Variants in SBF2 observed in about 807,000 individuals in gnomAD.
SBF2 encodes myotubularin-related protein 13.
A neutral mutation model predicts 225.2 loss-of-function variants in SBF2; 112 were observed. That is an observed-to-expected ratio of 0.50 (90% CI 0.43 to 0.58). SBF2 has a LOEUF of 0.58. SBF2 is among the 20% of genes least tolerant of loss of function. The pLI is 0.00. For synonymous variants in SBF2, 763 were observed against 773.3 expected (o/e 0.99, Z 0.22); for missense variants, 1,996 against 2,206.2 (o/e 0.90, Z 1.91).
intron 1 of SBF2, among the ~76,000 whole-genome samples, chr11:10,204,514 C>T (rs182097131): frequency 6.6e-6 from 1 of 151,928 alleles, no homozygotes; most frequent in Non-Finnish European, 1.5e-5. Flanking sequence ...TGGCAGGCTC[C>T]TGTAGTCCCA....
chr11:9,784,310 G>T, intron 38 of SBF2, 41 bp downstream of exon 38: 1 of 1,435,922 alleles, frequency 7.0e-7, no homozygotes, highest in Non-Finnish European at 9.8e-7. Context: ...ACTGGGACTA[G>T]CCTAGACAGA....
intron 21 of SBF2, among the ~76,000 whole-genome samples, chr11:9,852,181 A>G (rs552690271): frequency 1.1e-3 from 165 of 152,338 alleles, no homozygotes; most frequent in Middle Eastern, 3.4e-3. Context: ...GAGCCTTGTT[A>G]AAATACAGAT....
chr11:9,970,059 A>G (rs533560822), intron 13 of SBF2, among the ~76,000 whole-genome samples: 116 of 152,324 alleles, frequency 7.6e-4, no homozygotes, highest in African/African-American at 2.6e-3. Flanking sequence ...AATGGAATCC[A>G]TTCTTTCATA....
chr11:9,832,119 A>G, intron 27 of SBF2, 105 bp downstream of exon 27: 1 of 977,220 alleles, frequency 1.0e-6, no homozygotes, highest in Non-Finnish European at 1.6e-6. Flanking sequence ...TTTGTGTGTG[A>G]GACAAGACTT....
chr11:10,267,118 A>G (rs1962074137), intron 1 of SBF2, among the ~76,000 whole-genome samples: 1 of 152,136 alleles, frequency 6.6e-6, no homozygotes, highest in Admixed American at 6.6e-5. Context: ...AAATTAAATT[A>G]CATTAAATTA....
chr11:9,882,795 C>CAAAAAAAAAAAAAAAAAAAAAA (rs56699466), intron 17 of SBF2, among the ~76,000 whole-genome samples: 3 of 90,058 alleles, frequency 3.3e-5, no homozygotes, highest in Non-Finnish European at 2.4e-5. Flanking sequence ...GTGACAGAGT[C>CAAAAAAAAAAAAAAAAAAAAAA]AAAAAAAAAA....
At chr11:10,020,348 C>T (rs1053750370) in intron 6 of SBF2, among the ~76,000 whole-genome samples, 4 of 152,062 alleles carry the variant, frequency 2.6e-5, no homozygotes, top group Non-Finnish European at 5.9e-5. Context: ...ACACACTGCA[C>T]GTGAAGCCCC....
chr11:10,012,884 G>A (rs1017858284), intron 6 of SBF2, among the ~76,000 whole-genome samples: 2 of 151,708 alleles, frequency 1.3e-5, no homozygotes, highest in African/African-American at 4.8e-5. Context: ...TATTTTTATG[G>A]TTTAGCTTGG....
Position 9,912,613 on chromosome 11 carries a change from T to G in SBF2, c.1861-16602A>C, listed in dbSNP as rs7130681. Among the ~76,000 whole-genome samples the G allele has an allele frequency of 2.0e-5, 3 of 152,078 alleles. No homozygotes were observed. In the East Asian group the frequency reaches 5.8e-4, roughly 29 times the overall value. On this transcript the variant is annotated intron_variant, in intron 16 of 39. Transcript: ENST00000256190. ...AAAAAAATTCTAATTTTTAGCTCAT[T>G]GGCTATTTTTAGTGTATTTTATCTG...
At chr11:9,945,844 TA>T (rs1865530234) in intron 16 of SBF2, among the ~76,000 whole-genome samples, 2 of 152,062 alleles carry the variant, frequency 1.3e-5, no homozygotes, top group African/African-American at 4.8e-5. Flanking sequence ...TCAACATCAC[TA>T]ATCATTAGAG....
chr11:9,931,296 C>A (rs1489512686), intron 16 of SBF2, among the ~76,000 whole-genome samples: 5 of 152,332 alleles, frequency 3.3e-5, no homozygotes, highest in Non-Finnish European at 7.3e-5. Context: ...GGACAGACTG[C>A]CTCCTCAAGT....
intron 2 of SBF2, among the ~76,000 whole-genome samples, chr11:10,046,342 G>A (rs1341584572): frequency 6.6e-6 from 1 of 152,096 alleles, no homozygotes; most frequent in Non-Finnish European, 1.5e-5. Context: ...AAAAATTATT[G>A]ACCAATATTG....
At position 9,969,204 on chromosome 11, in the gene SBF2, C is replaced by T. The variant is rs1238570200; in HGVS notation, c.1396-659G>A. On this transcript the variant is annotated intron_variant, in intron 13 of 39. Coordinates refer to ENST00000256190, the MANE Select transcript of SBF2 (RefSeq NM_030962.4). ...CTCTAACACCCAACTATCCATTCCT[C>T]TGCAGATCTTGTGGACTTGACCTTT... Among the ~76,000 whole-genome samples the T allele has an allele frequency of 2.0e-5, 3 of 152,204 alleles. No homozygotes were observed. In the East Asian group the frequency reaches 5.8e-4, roughly 29 times the overall value.
intron 17 of SBF2, among the ~76,000 whole-genome samples, chr11:9,865,927 T>G (rs1858182916): frequency 6.6e-6 from 1 of 152,112 alleles, no homozygotes; most frequent in South Asian, 2.1e-4. Flanking sequence ...AATAGACATT[T>G]GTATTATTTC....
chr11:10,038,703 A>C (rs1949538973), intron 3 of SBF2, among the ~76,000 whole-genome samples: 1 of 151,714 alleles, frequency 6.6e-6, no homozygotes, highest in African/African-American at 2.4e-5. Context: ...TCCTCCTCTT[A>C]TCTCTCGAAA....
chr11:10,267,114 A>C (rs377681306), intron 1 of SBF2, among the ~76,000 whole-genome samples: 31 of 152,144 alleles, frequency 2.0e-4, no homozygotes, highest in South Asian at 1.7e-3. Flanking sequence ...AATTAAATTA[A>C]ATTACATTAA....
chr11:10,014,802 A>C (rs184588459), intron 6 of SBF2, among the ~76,000 whole-genome samples: 50 of 152,234 alleles, frequency 3.3e-4, no homozygotes, highest in Non-Finnish European at 6.6e-4. Context: ...AAGAAGATAC[A>C]CTTAGGGAAG....
chr11:9,864,832 C>G (rs1241140276), intron 17 of SBF2, among the ~76,000 whole-genome samples: 1 of 152,138 alleles, frequency 6.6e-6, no homozygotes, highest in Non-Finnish European at 1.5e-5. Context: ...GTTGTCAAGT[C>G]CTTTGCCTGG....
chr11:10,112,763 A>T (rs987548921), intron 2 of SBF2, among the ~76,000 whole-genome samples: 6 of 152,228 alleles, frequency 3.9e-5, no homozygotes, highest in Non-Finnish European at 7.3e-5. Flanking sequence ...TCTTTAAATT[A>T]TAAGTGCATT....
Sources: gnomAD v4.1 joint callset for allele counts (sites outside exome capture counted in the v4.1 genomes callset) on GRCh38, gnomAD v4.1.1 for gene constraint, MANE v1.5 for transcripts, NCBI Gene and HGNC (gene_info 2026-07-23, HGNC 2026-07-21) for gene names.